KMT2A: variants seen among roughly 807,000 people sequenced by gnomAD.
KMT2A encodes lysine methyltransferase 2A, also known as histone-lysine N-methyltransferase 2A.
In KMT2A, 16 loss-of-function variants were observed where a neutral mutation model predicts 345.3. The observed-to-expected ratio is 0.05, with a 90% CI of 0.03 to 0.07. The LOEUF (loss-of-function observed/expected upper bound fraction) is 0.07. Among genes scored for constraint, KMT2A ranks in the 10% least tolerant of loss-of-function variants. The probability of loss-of-function intolerance (pLI) is 1.00; values close to 1 mark genes in which losing one functional copy is unlikely to be tolerated. For synonymous variants in KMT2A, 1,599 were observed against 1,778.6 expected, an observed-to-expected ratio of 0.90 and a Z score of 2.54; for missense variants, 3,272 against 4,841.6, an observed-to-expected ratio of 0.68 and a Z score of 9.62.
Position 118,484,104 on chromosome 11 carries a change from C to A in KMT2A, c.4087-79C>A. The A allele has an allele frequency of 1.5e-6, 2 of 1,339,532 alleles. No homozygotes were observed. The highest frequency in any genetic ancestry group is 2.6e-5 in the South Asian group (2 of 77,170). 83.0% of individuals were successfully genotyped at this position (1,339,532 alleles called of 1,614,324 possible). ...TTTTAGATCTATTAATAAAATTTGTCATTTGCATTATTATCTGTTGCAAAT... is the reference window on the plus strand; with the variant it reads ...TTTTAGATCTATTAATAAAATTTGTAATTTGCATTATTATCTGTTGCAAAT... On this transcript the variant is annotated intron_variant, in intron 8 of 35. Transcript: ENST00000534358. The surrounding 1 kb of genome is among the most constrained non-coding windows in gnomAD (Gnocchi z 4.1).
chr11:118,510,697 T>A lies in KMT2A; in HGVS notation c.11071+579T>A, dbSNP rs1950669637. ...CCATAAGGGCTGGAATTTTATTTTC[T>A]TATTCATCTTTGTATCGCAAGCATC... On this transcript the variant is annotated intron_variant, in intron 30 of 35. Coordinates refer to ENST00000534358, the MANE Select transcript of KMT2A (RefSeq NM_001197104.2). This position sits in a 1 kb window ranked among gnomAD's most constrained non-coding sequence, Gnocchi z 4.1. Among the ~76,000 whole-genome samples the A allele has an allele frequency of 6.6e-6, 1 of 152,236 alleles. No individual in the cohort carries two copies. Among genetic ancestry groups the A allele is most frequent in the Non-Finnish European group, 1.5e-5 (1 of 68,050 alleles).
Position 118,465,521 on chromosome 11 carries a change from A to G in KMT2A, c.433-3254A>G, listed in dbSNP as rs374534268. On this transcript the variant is annotated intron_variant, in intron 1 of 35. Transcript: ENST00000534358. ...CTTTCCAAGTGATTTCACATAAATTATTTATTCCTTACAGTGCTCAAATAA... is the reference window on the plus strand; with the variant it reads ...CTTTCCAAGTGATTTCACATAAATTGTTTATTCCTTACAGTGCTCAAATAA... Among the ~76,000 whole-genome samples, 94 of 152,296 alleles carry G rather than the reference A, an allele frequency of 6.2e-4. 3 individuals are homozygous for G. The South Asian group carries it at 0.019, about 30-fold the overall frequency.
rs782625001 is a variant in KMT2A at position 118,506,622 on chromosome 11, C to A, written c.10730C>A (p.Thr3577Lys). The part of the protein sequence containing the change: ...SSEAHIPDQE[T>K]TSLTSGTGTP... ...GAAGCACACATTCCAGACCAAGAAA[C>A]GACATCCCTGACCTCAGGCACAGGG... is the stretch of plus-strand genomic sequence containing the variant. Residue 3577 changes from threonine (T) to lysine (K), a missense_variant, in exon 27 of 36, where the codon ACG (threonine) becomes AAG (lysine). This residue lies in a region of KMT2A where 748 missense variants were observed against 922.2 expected (regional missense o/e 0.81). Coordinates refer to ENST00000534358, the MANE Select transcript of KMT2A (RefSeq NM_001197104.2). 3.4e-5 allele frequency: 54 copies of A among 1,606,982 alleles called. No homozygotes were observed. Among genetic ancestry groups the A allele is most frequent in the East Asian group, 8.9e-5 (4 of 44,824 alleles).
rs199822229 is a variant in KMT2A, at chr11:118,474,259, C to T, written c.3100C>T (p.Leu1034Phe). Residue 1034 changes from leucine (L) to phenylalanine (F), a missense_variant, in exon 3 of 36, where the codon CTC (leucine) becomes TTC (phenylalanine). By Grantham distance (22) the Leu-to-Phe change is conservative. This residue lies in a region of KMT2A where 39 missense variants were observed against 88.9 expected (regional missense o/e 0.44). Transcript: ENST00000534358. ...CCTCCTAAAAAAGGCCAAAGCTCAG[C>T]TCTGCAAGATTGAGAAGAGTAAGAG... ...ASLLKKAKAQ[L>F]CKIEKSKSLK... 6.2e-7 allele frequency: 1 copy of T among 1,614,184 alleles called. No homozygotes were observed. Among genetic ancestry groups the T allele is most frequent in the African/African-American group, 1.3e-5 (1 of 75,054 alleles).
In KMT2A at chr11:118,496,283, C is replaced by G; in HGVS notation, c.5580C>G (p.Asp1860Glu). Reference sequence around the variant, plus strand: ...AAGGTACTGATAGGAGTCGAGAAGACAGTCCAGAGCTGAACCCACCCCCAG... The same window carrying G: ...AAGGTACTGATAGGAGTCGAGAAGAGAGTCCAGAGCTGAACCCACCCCCAG... ...PILSTDRSRE[D>E]SPELNPPPGI... is the part of the protein sequence containing the mutation. Residue 1860 changes from aspartate (D) to glutamate (E), a missense_variant, in exon 20 of 36, where the codon GAC becomes GAG. This residue lies in a region of KMT2A where 235 missense variants were observed against 503.4 expected (regional missense o/e 0.47). Coordinates refer to ENST00000534358, the MANE Select transcript of KMT2A (RefSeq NM_001197104.2). This position sits in a 1 kb window ranked among gnomAD's most constrained non-coding sequence, Gnocchi z 4.7. 1 of 1,613,586 alleles carries G rather than the reference C, an allele frequency of 6.2e-7. No individual in the cohort carries two copies. Among genetic ancestry groups the G allele is most frequent in the Non-Finnish European group, 8.5e-7 (1 of 1,179,596 alleles).
intron 30 of KMT2A, 39 bp from the exon 31 acceptor site, chr11:118,511,912 A>G (rs1555050178): frequency 6.5e-7 from 1 of 1,549,994 alleles, no homozygotes. Context: ...GTTTACGTGC[A>G]TATTTTCTGG....
chr11:118,476,769 A>T lies in KMT2A; in HGVS notation c.3157-36A>T, dbSNP rs782630604. 1 of 1,564,904 alleles carries T rather than the reference A, an allele frequency of 6.4e-7. No individual in the cohort carries two copies. Among genetic ancestry groups the T allele is most frequent in the Non-Finnish European group, 8.7e-7 (1 of 1,144,494 alleles). ...TCGTTCAGTTATAATTTCAACATGTATGGTTGTTATTGTTTTTGGATTGCC... is the reference window on the plus strand; with the variant it reads ...TCGTTCAGTTATAATTTCAACATGTTTGGTTGTTATTGTTTTTGGATTGCC... On this transcript the variant is annotated intron_variant, in intron 3 of 35. Coordinates refer to ENST00000534358, the MANE Select transcript of KMT2A (RefSeq NM_001197104.2). This position sits in a 1 kb window ranked among gnomAD's most constrained non-coding sequence, Gnocchi z 4.1.
At chr11:118,492,493 C>T (rs1950341023) in intron 15 of KMT2A, among the ~76,000 whole-genome samples, 1 of 152,208 alleles carries the variant, frequency 6.6e-6, no homozygotes, top group African/African-American at 2.4e-5. Flanking sequence ...TCCTGGCTAA[C>T]ACGGTGAAAC....
rs782363038 is a variant in KMT2A at position 118,506,208 on chromosome 11, G to C, written c.10316G>C (p.Gly3439Ala). 17 of 1,614,006 alleles carry C rather than the reference G, an allele frequency of 1.1e-5. No individual in the cohort carries two copies. The highest frequency in any genetic ancestry group is 1.7e-5 in the Admixed American group (1 of 59,994). Residue 3439 changes from glycine (G) to alanine (A), a missense_variant, in exon 27 of 36, where the codon GGC (glycine) becomes GCC (alanine). Gly to Ala is a moderately conservative substitution (Grantham distance 60, BLOSUM62 0). This residue lies in a region of KMT2A where 748 missense variants were observed against 922.2 expected (regional missense o/e 0.81). Transcript: ENST00000534358. ...GTGCTCCCCTCCACTCAGACTACGG[G>C]CATAACAGCCGCTTCACCTTCTGGG... is the stretch of plus-strand genomic sequence containing the variant. ...ICVLPSTQTT[G>A]ITAASPSGEA...
At chr11:118,475,324 G>T (rs1029875520) in intron 3 of KMT2A, among the ~76,000 whole-genome samples, 18 of 152,034 alleles carry the variant, frequency 1.2e-4, no homozygotes, top group Admixed American at 6.6e-4. Context: ...CCTTTTCTGA[G>T]AAAAGTTGCT....
rs781862991 is a variant in KMT2A, at chr11:118,481,998, G to A, written c.3918G>A (p.Pro1306=). Residue 1306 remains proline (P), a synonymous_variant, in exon 7 of 36, where the codon CCG becomes CCA. Transcript: ENST00000534358. ...KQVSQPALVI[P]PQPPTTGPPR... ...TCTCCCAGCCAGCACTGGTCATCCC[G>A]CCTCAGCCACCTACTACAGGACCGC... 9.3e-6 allele frequency: 15 copies of A among 1,614,046 alleles called. No homozygotes were observed. Among genetic ancestry groups the A allele is most frequent in the South Asian group, 6.6e-5 (6 of 91,088 alleles).
chr11:118,494,849 C>T lies in KMT2A; in HGVS notation c.5363+82C>T. 8.8e-7 allele frequency: 1 copy of T among 1,133,430 alleles called. No individual in the cohort carries two copies. The highest frequency in any genetic ancestry group is 1.3e-6 in the Non-Finnish European group (1 of 760,584). 70.2% of individuals were successfully genotyped at this position (1,133,430 alleles called of 1,614,324 possible). A position where few individuals can be genotyped will look rare whatever the true frequency, so the allele number is the denominator to read the frequency against. On this transcript the variant is annotated intron_variant, in intron 18 of 35. Coordinates refer to ENST00000534358, the MANE Select transcript of KMT2A (RefSeq NM_001197104.2). This position sits in a 1 kb window ranked among gnomAD's most constrained non-coding sequence, Gnocchi z 5.8. ...CTCATATTTCTAGATTGCAGTTTTCCAAAAGGTTTTAATACTAGAAATGAA... is the reference window on the plus strand; with the variant it reads ...CTCATATTTCTAGATTGCAGTTTTCTAAAAGGTTTTAATACTAGAAATGAA...
Position 118,499,256 on chromosome 11 carries a change from T to G in KMT2A, c.5962-47T>G, listed in dbSNP as rs1950459816. Reference sequence around the variant, plus strand: ...GAGACAGTCAGGATCATAAGTATAATGTGCAAAGGGACAGCCTATTAACAG... The same window carrying G: ...GAGACAGTCAGGATCATAAGTATAAGGTGCAAAGGGACAGCCTATTAACAG... On this transcript the variant is annotated intron_variant, in intron 22 of 35. Transcript: ENST00000534358. 2.7e-6 allele frequency: 3 copies of G among 1,126,940 alleles called. No homozygotes were observed. The South Asian group carries it at 3.7e-5, about 14-fold the overall frequency. 69.8% of individuals were successfully genotyped at this position (1,126,940 alleles called of 1,614,324 possible). A position where few individuals can be genotyped will look rare whatever the true frequency, so the allele number is the denominator to read the frequency against.
At position 118,521,306 on chromosome 11, in the gene KMT2A, G is replaced by T. The variant is rs782541228; in HGVS notation, c.11532G>T (p.Arg3844=). The part of the protein sequence containing the change: ...VGVYRSPIHG[R]GLFCKRNIDA... ...GTCCTAGGTCTCCCATCCATGGCCG[G>T]GGTCTTTTCTGTAAGAGAAACATTG... The change falls in exon 35 of 36, where the codon CGG becomes CGT. Residue 3844 remains arginine, a synonymous_variant. Transcript: ENST00000534358. This position sits in a 1 kb window ranked among gnomAD's most constrained non-coding sequence, Gnocchi z 5.3. The T allele has an allele frequency of 6.2e-7, 1 of 1,613,912 alleles. No homozygotes were observed. The highest frequency in any genetic ancestry group is 8.5e-7 in the Non-Finnish European group (1 of 1,179,928).
intron 1 of KMT2A, among the ~76,000 whole-genome samples, chr11:118,465,400 T>A (rs1463127290): frequency 1.3e-5 from 2 of 152,206 alleles, no homozygotes; most frequent in Non-Finnish European, 2.9e-5. Flanking sequence ...CCTTGGAGAT[T>A]ATGTTGAGAA....
chr11:118,452,601 C>T (rs1949561479), intron 1 of KMT2A, among the ~76,000 whole-genome samples: 1 of 151,098 alleles, frequency 6.6e-6, no homozygotes, highest in African/African-American at 2.4e-5. Flanking sequence ...CTGCCTTCTA[C>T]CATCAAAGAA....
chr11:118,505,990 C>G lies in KMT2A; in HGVS notation c.10098C>G (p.Thr3366=). The G allele has an allele frequency of 6.2e-7, 1 of 1,614,198 alleles. No homozygotes were observed. The highest frequency in any genetic ancestry group is 8.5e-7 in the Non-Finnish European group (1 of 1,180,034). Residue 3366 remains threonine, a synonymous_variant, in exon 27 of 36, where the codon ACC becomes ACG. Transcript: ENST00000534358. This position sits in a 1 kb window ranked among gnomAD's most constrained non-coding sequence, Gnocchi z 4.6. ...TSSASVPGHV[T]LTNPRLLGTP... is the part of the protein sequence containing the mutation. ...GTGCGTCAGTTCCAGGACACGTCAC[C>G]TTAACCAACCCAAGGTTGCTTGGTA...
intron 1 of KMT2A, chr11:118,439,158 C>CAAAAAAAAAAAAAAAA: frequency 7.5e-6 from 2 of 265,450 alleles, no homozygotes; most frequent in East Asian, 9.3e-5. Flanking sequence ...GATACAGCAG[C>CAAAAAAAAAAAAAAAA]AAAAAAAAAA....
At chr11:118,466,057 A>G (rs574267581) in intron 1 of KMT2A, among the ~76,000 whole-genome samples, 1 of 152,112 alleles carries the variant, frequency 6.6e-6, no homozygotes, top group African/African-American at 2.4e-5. Flanking sequence ...TAATTTTTTT[A>G]TTTTAAAATT....
Sources: allele counts gnomAD v4.1 joint callset (sites outside exome capture counted in the v4.1 genomes callset), GRCh38; gene constraint gnomAD v4.1.1; regional missense constraint gnomAD v4.1.1; non-coding constraint Gnocchi (gnomAD v3.1); transcripts MANE v1.5; gene names NCBI Gene and HGNC (gene_info 2026-07-23, HGNC 2026-07-21).